Variants in PTPRD observed in about 807,000 individuals in gnomAD.
PTPRD encodes receptor-type tyrosine-protein phosphatase delta.
In PTPRD, 34 loss-of-function variants were observed where a neutral mutation model predicts 214.5. That is an observed-to-expected ratio of 0.16 (90% CI 0.12 to 0.21). The LOEUF (loss-of-function observed/expected upper bound fraction) is 0.21, where lower values mean the gene tolerates loss of function less well. Among genes scored for constraint, PTPRD ranks in the 10% least tolerant of loss-of-function variants. The probability of loss-of-function intolerance (pLI) is 1.00; values close to 1 mark genes in which losing one functional copy is unlikely to be tolerated. For missense variants in PTPRD, 2,545 were observed against 2,398.7 expected (o/e 1.06, Z -1.27); for synonymous variants, 1,128 against 845.7 (o/e 1.33, Z -5.79).
At chr9:9,814,958 C>T (rs1357326376) in intron 5 of PTPRD, among the ~76,000 whole-genome samples, 4 of 151,710 alleles carry the variant, frequency 2.6e-5, no homozygotes, top group African/African-American at 4.8e-5. Flanking sequence ...CGCCACCACA[C>T]CTGACTAATT....
intron 4 of PTPRD, among the ~76,000 whole-genome samples, chr9:10,014,682 A>C (rs1470574652): frequency 6.6e-6 from 1 of 152,086 alleles, no homozygotes; most frequent in East Asian, 1.9e-4. Context: ...TGAAATAAGA[A>C]TAGAACAAGG....
At chr9:10,169,409 G>T (rs970919449) in intron 3 of PTPRD, among the ~76,000 whole-genome samples, 1 of 146,128 alleles carries the variant, frequency 6.8e-6, no homozygotes, top group African/African-American at 2.6e-5. Context: ...CGGAGGCGGA[G>T]CTTGCAGTGA....
intron 10 of PTPRD, among the ~76,000 whole-genome samples, chr9:9,091,918 T>C (rs1055729998): frequency 1.2e-4 from 18 of 152,172 alleles, no homozygotes; most frequent in Non-Finnish European, 2.1e-4. Flanking sequence ...TAACAAAAAA[T>C]TCTTATCTCA....
chr9:8,411,317 A>AT lies in PTPRD; in HGVS notation c.4087-6658dup, dbSNP rs985193728. ...TTATTTATCTTTTATTTTTATTTTT[A>AT]TTTTTTTTGTGGCAGGGTCATGCCT... On this transcript the variant is annotated intron_variant, in intron 35 of 45. Transcript: ENST00000381196. Among the ~76,000 whole-genome samples the AT allele has an allele frequency of 1.1e-4, 16 of 151,408 alleles. No individual in the cohort carries two copies. The South Asian group carries it at 2.5e-3, about 24-fold the overall frequency.
chr9:8,417,818 T>C (rs2094052673), intron 35 of PTPRD, among the ~76,000 whole-genome samples: 1 of 152,154 alleles, frequency 6.6e-6, no homozygotes, highest in Non-Finnish European at 1.5e-5. Flanking sequence ...AATTATAGCT[T>C]GTGTCCAAAG....
chr9:8,341,580 G>C, intron 40 of PTPRD, 113 bp downstream of exon 40: 2 of 1,230,426 alleles, frequency 1.6e-6, no homozygotes, highest in Non-Finnish European at 2.3e-6. Context: ...CTGAGGGAAA[G>C]GTCAAATGAA....
At chr9:10,429,383 T>C (rs1431361812) in intron 2 of PTPRD, among the ~76,000 whole-genome samples, 2 of 151,898 alleles carry the variant, frequency 1.3e-5, no homozygotes, top group Non-Finnish European at 2.9e-5. Flanking sequence ...AACCCTGCAG[T>C]TTCATGTTAA....
chr9:10,563,598 A>G (rs368760463), intron 2 of PTPRD, among the ~76,000 whole-genome samples: 4 of 152,140 alleles, frequency 2.6e-5, no homozygotes, highest in African/African-American at 9.7e-5. Flanking sequence ...TAGAAATTCA[A>G]TTTCAAAAAT....
In PTPRD at chr9:9,931,664, T is replaced by C. The variant is rs887091339; in HGVS notation, c.-368+6843A>G. On this transcript the variant is annotated intron_variant, in intron 5 of 45. Transcript: ENST00000381196. The stretch of plus-strand genomic sequence containing the variant: ...GAGGCTGGGGGAGGGGCGCCCACCA[T>C]TGCCCAGGCGTGCTTAGGTAAACAA... 4.8e-4 allele frequency among the ~76,000 whole-genome samples: 73 copies of C among 151,118 alleles called. 3 individuals are homozygous for C. In the South Asian group the frequency reaches 0.014, roughly 30 times the overall value.
chr9:10,560,425 G>A (rs2063654490), intron 2 of PTPRD, among the ~76,000 whole-genome samples: 1 of 151,996 alleles, frequency 6.6e-6, no homozygotes, highest in Non-Finnish European at 1.5e-5. Context: ...GGGGGAGTGG[G>A]GAGGGATAGC....
At chr9:9,866,060 A>G (rs1419607166) in intron 5 of PTPRD, among the ~76,000 whole-genome samples, 3 of 152,150 alleles carry the variant, frequency 2.0e-5, no homozygotes, top group Non-Finnish European at 4.4e-5. Context: ...ATATGCACTT[A>G]TAAACACGGT....
At chr9:10,141,632 C>A (rs940594329) in intron 3 of PTPRD, among the ~76,000 whole-genome samples, 1 of 151,996 alleles carries the variant, frequency 6.6e-6, no homozygotes, top group Non-Finnish European at 1.5e-5. Context: ...ATATTCCATG[C>A]TCATGGGTAG....
At position 10,562,943 on chromosome 9, in the gene PTPRD, A is replaced by G. The variant is rs114731683; in HGVS notation, c.-600+49455T>C. ...AGCCATGATTGTTGTAACTATATTT[A>G]AAGTATGTAGTTAATATATAAGATT... On this transcript the variant is annotated intron_variant, in intron 2 of 45. Transcript: ENST00000381196. Among the ~76,000 whole-genome samples, 501 of 152,332 alleles carry G rather than the reference A, an allele frequency of 3.3e-3. 2 individuals carry two copies. The highest frequency in any genetic ancestry group is 0.012 in the African/African-American group (487 of 41,588).
chr9:8,820,407 G>A (rs2097028292), intron 11 of PTPRD, among the ~76,000 whole-genome samples: 1 of 151,958 alleles, frequency 6.6e-6, no homozygotes, highest in Non-Finnish European at 1.5e-5. Flanking sequence ...TTATTGAAGA[G>A]AGTATATTTA....
rs558001080 is a variant in PTPRD at position 9,992,565 on chromosome 9, G to A, written c.-472+41153C>T. On this transcript the variant is annotated intron_variant, in intron 4 of 45. Coordinates refer to ENST00000381196, the MANE Select transcript of PTPRD (RefSeq NM_002839.4). ...GGAACCAACCCAAATGTCCATCAAT[G>A]ATAGACTGGGTTAAGAAAATGTGGC... 2.6e-5 allele frequency among the ~76,000 whole-genome samples: 4 copies of A among 152,286 alleles called. No individual in the cohort carries two copies. In the South Asian group the frequency reaches 8.3e-4, roughly 32 times the overall value.
intron 9 of PTPRD, among the ~76,000 whole-genome samples, chr9:9,291,728 A>C (rs1951203093): frequency 6.6e-6 from 1 of 151,096 alleles, no homozygotes; most frequent in African/African-American, 2.4e-5. Flanking sequence ...CTTTTTTTCA[A>C]AATGTCAAAA....
rs139945444 is a variant in PTPRD at position 9,747,204 on chromosome 9, G to A, written c.-325-12633C>T. Reference sequence around the variant, plus strand: ...GCAGGAGCCACTGACAGAGGTATTGGGCTTAGCAGACCACCTGGGGATGCA... The same window carrying A: ...GCAGGAGCCACTGACAGAGGTATTGAGCTTAGCAGACCACCTGGGGATGCA... On this transcript the variant is annotated intron_variant, in intron 6 of 45. Transcript: ENST00000381196. 4.3e-3 allele frequency among the ~76,000 whole-genome samples: 649 copies of A among 152,234 alleles called. 2 individuals are homozygous for A. The highest frequency in any genetic ancestry group is 0.015 in the African/African-American group (606 of 41,544).
rs1885997 is a variant in PTPRD, at chr9:10,314,886, A to C, written c.-545+26077T>G. 2.0e-5 allele frequency among the ~76,000 whole-genome samples: 3 copies of C among 151,998 alleles called. No homozygotes were observed. In the East Asian group the frequency reaches 5.8e-4, roughly 30 times the overall value. ...CCAAGTATCACACTCATCCTTTCAG[A>C]ATTGCAGGTTTTCTCTGGTATTTGA... On this transcript the variant is annotated intron_variant, in intron 3 of 45. Transcript: ENST00000381196.
intron 8 of PTPRD, among the ~76,000 whole-genome samples, chr9:9,468,744 A>G (rs546790963): frequency 2.0e-5 from 3 of 152,264 alleles, no homozygotes; most frequent in African/African-American, 7.2e-5. Context: ...TTTCACATAT[A>G]TTGAAAAATG....
Sources: allele counts gnomAD v4.1 joint callset (sites outside exome capture counted in the v4.1 genomes callset), GRCh38; gene constraint gnomAD v4.1.1; transcripts MANE v1.5; gene names NCBI Gene and HGNC (gene_info 2026-07-23, HGNC 2026-07-21).